KDM4C: variants seen among roughly 807,000 people sequenced by gnomAD.
KDM4C encodes lysine-specific demethylase 4C.
Under a neutral mutation model 129.3 loss-of-function variants are expected in KDM4C, and 81 were observed. That is an observed-to-expected ratio of 0.63 (90% CI 0.52 to 0.75). The LOEUF (loss-of-function observed/expected upper bound fraction) is 0.75. Among genes scored for constraint, KDM4C ranks in the 30% least tolerant of loss-of-function variants. The pLI, the probability that KDM4C is intolerant of heterozygous loss-of-function variation, is 0.00. For synonymous variants in KDM4C, 573 were observed against 456.1 expected, an observed-to-expected ratio of 1.26 and a Z score of -3.26; for missense variants, 1,457 against 1,304.0, an observed-to-expected ratio of 1.12 and a Z score of -1.81.
chr9:7,094,879 A>G (rs1025624525), intron 17 of KDM4C, among the ~76,000 whole-genome samples: 1 of 152,196 alleles, frequency 6.6e-6, no homozygotes, highest in Non-Finnish European at 1.5e-5. Flanking sequence ...CACAGACAGA[A>G]CAATTCATGG....
intron 12 of KDM4C, among the ~76,000 whole-genome samples, chr9:7,008,407 C>T (rs1246540992): frequency 6.6e-6 from 1 of 152,194 alleles, no homozygotes; most frequent in Non-Finnish European, 1.5e-5. Flanking sequence ...TCTGCCTCAA[C>T]AGTAGCCAGC....
At position 6,908,454 on chromosome 9, in the gene KDM4C, A is replaced by T. The variant is rs558605180; in HGVS notation, c.921+15222A>T. Among the ~76,000 whole-genome samples, 112 of 152,278 alleles carry T rather than the reference A, an allele frequency of 7.4e-4. 1 individual carries two copies. Among genetic ancestry groups the T allele is most frequent in the African/African-American group, 2.5e-3 (103 of 41,564 alleles). On this transcript the variant is annotated intron_variant, in intron 8 of 21. Transcript: ENST00000381309. Reference sequence around the variant, plus strand: ...AAGTAGCAGTGTGTGCAGGTCCCCCACCACTCATTCTTTCACTGAGAGAAT... The same window carrying T: ...AAGTAGCAGTGTGTGCAGGTCCCCCTCCACTCATTCTTTCACTGAGAGAAT...
chr9:6,882,228 T>G (rs1844564321), intron 6 of KDM4C, among the ~76,000 whole-genome samples: 1 of 152,258 alleles, frequency 6.6e-6, no homozygotes, highest in African/African-American at 2.4e-5. Flanking sequence ...ACTTGTTATA[T>G]TCGTCTGTAA....
At chr9:6,833,358 G>T (rs969329567) in intron 4 of KDM4C, among the ~76,000 whole-genome samples, 2 of 151,980 alleles carry the variant, frequency 1.3e-5, no homozygotes, top group Admixed American at 6.6e-5. Context: ...AGAAAATGTA[G>T]TTACCAAAGT....
In KDM4C at chr9:6,770,840, A is replaced by G. The variant is rs560637858; in HGVS notation, c.-18+12637A>G. On this transcript the variant is annotated intron_variant, in intron 1 of 21. Coordinates refer to ENST00000381309, the MANE Select transcript of KDM4C (RefSeq NM_015061.6). ...GCTCAGGCTGGAATGCAGTGGCGCA[A>G]TCTTGGCTCACTGCAACCTCTGCCT... 1.2e-4 allele frequency among the ~76,000 whole-genome samples: 18 copies of G among 144,426 alleles called. No homozygotes were observed. The South Asian group carries it at 3.7e-3, about 30-fold the overall frequency. The allele number at this position is 144,426 out of a possible 152,430, so 94.7% of individuals were successfully genotyped here. A position where few individuals can be genotyped will look rare whatever the true frequency, so the allele number is the denominator to read the frequency against.
At chr9:6,726,873 T>A (rs1817148754) in intron 1 of KDM4C, 1 of 152,064 alleles carries the variant, frequency 6.6e-6, no homozygotes. Context: ...GTAGCTGGGA[T>A]TACAGGCATA....
chr9:7,114,578 C>G (rs1383694317), intron 18 of KDM4C, among the ~76,000 whole-genome samples: 1 of 152,082 alleles, frequency 6.6e-6, no homozygotes, highest in Non-Finnish European at 1.5e-5. Context: ...ATTTTTTATT[C>G]TGTCCTTATA....
At chr9:7,169,036 C>A (rs1252958106) in intron 20 of KDM4C, among the ~76,000 whole-genome samples, 1 of 145,128 alleles carries the variant, frequency 6.9e-6, no homozygotes, top group Non-Finnish European at 1.5e-5. Context: ...CAGGGCAAGG[C>A]CCTGTCTCAA....
chr9:7,090,456 T>C (rs567467055), intron 17 of KDM4C, among the ~76,000 whole-genome samples: 1 of 152,290 alleles, frequency 6.6e-6, no homozygotes, highest in South Asian at 2.1e-4. Flanking sequence ...AAAGGATTTC[T>C]TTGCACTTTT....
chr9:7,099,827 A>G (rs1424592668), intron 17 of KDM4C, among the ~76,000 whole-genome samples: 1 of 152,242 alleles, frequency 6.6e-6, no homozygotes, highest in Non-Finnish European at 1.5e-5. Context: ...CCTGGAGTCC[A>G]GTGCTCTCTA....
intron 5 of KDM4C, among the ~76,000 whole-genome samples, chr9:6,874,611 T>A (rs1328752811): frequency 6.6e-6 from 1 of 152,200 alleles, no homozygotes; most frequent in East Asian, 1.9e-4. Flanking sequence ...GGAGCTAAAT[T>A]TTTAGGGCAG....
intron 15 of KDM4C, among the ~76,000 whole-genome samples, chr9:7,034,241 A>G (rs758586771): frequency 6.6e-6 from 1 of 152,090 alleles, no homozygotes; most frequent in Non-Finnish European, 1.5e-5. Flanking sequence ...AGCTATTTGA[A>G]ATTGTATGTT....
intron 8 of KDM4C, among the ~76,000 whole-genome samples, chr9:6,978,377 A>T (rs375805202): frequency 0.011 from 1,545 of 142,666 alleles, 23 homozygotes; most frequent in Middle Eastern, 0.015. Flanking sequence ...TTATACCATT[A>T]CTGAGATTGT....
chr9:7,155,652 C>G (rs562421300), intron 19 of KDM4C, among the ~76,000 whole-genome samples: 10 of 152,294 alleles, frequency 6.6e-5, no homozygotes, highest in Non-Finnish European at 8.8e-5. Context: ...ATGATGGTTT[C>G]TAGCTTCATC....
chr9:7,065,636 A>G (rs1433298101), intron 17 of KDM4C, among the ~76,000 whole-genome samples: 2 of 152,224 alleles, frequency 1.3e-5, no homozygotes, highest in Admixed American at 6.5e-5. Flanking sequence ...GATTTTTACA[A>G]TGATGAATTG....
At chr9:7,061,128 C>A (rs1831602722) in intron 17 of KDM4C, among the ~76,000 whole-genome samples, 1 of 152,184 alleles carries the variant, frequency 6.6e-6, no homozygotes, top group Non-Finnish European at 1.5e-5. Context: ...GCTCAATTTG[C>A]TTCGGTCAGT....
intron 1 of KDM4C, among the ~76,000 whole-genome samples, chr9:6,782,575 G>A (rs930981533): frequency 2.0e-5 from 3 of 152,104 alleles, no homozygotes; most frequent in African/African-American, 7.2e-5. Context: ...TGACACATAT[G>A]TCTATATATA....
At chr9:7,159,818 C>G (rs1354978638) in intron 19 of KDM4C, among the ~76,000 whole-genome samples, 1 of 152,112 alleles carries the variant, frequency 6.6e-6, no homozygotes, top group Non-Finnish European at 1.5e-5. Context: ...CTTGGGGTTG[C>G]TCTTCTCAAG....
intron 8 of KDM4C, among the ~76,000 whole-genome samples, chr9:6,929,421 A>C (rs370582325): frequency 2.7e-4 from 40 of 150,092 alleles, no homozygotes; most frequent in East Asian, 5.9e-4. Flanking sequence ...TTTGAGAGTA[A>C]TGCTTTACTT....
Sources: gnomAD v4.1 joint callset for allele counts (sites outside exome capture counted in the v4.1 genomes callset) on GRCh38, gnomAD v4.1.1 for gene constraint, MANE v1.5 for transcripts, NCBI Gene and HGNC (gene_info 2026-07-23, HGNC 2026-07-21) for gene names.